The following ATP10B variants were observed in gnomAD, a reference collection of about 807,000 sequenced individuals.
ATP10B encodes phospholipid-transporting ATPase VB.
Under a neutral mutation model 141.2 loss-of-function variants are expected in ATP10B, and 122 were observed. The observed-to-expected ratio is 0.86, with a 90% CI of 0.75 to 1.00. ATP10B has a LOEUF of 1.00. Ranked by LOEUF, ATP10B falls within the 50% of genes least tolerant of loss-of-function variation. The probability of loss-of-function intolerance (pLI) is 0.00; values close to 1 mark genes in which losing one functional copy is unlikely to be tolerated. For missense variants in ATP10B, 1,876 were observed against 1,825.3 expected, an observed-to-expected ratio of 1.03 and a Z score of -0.51; for synonymous variants, 685 against 692.0, an observed-to-expected ratio of 0.99 and a Z score of 0.16.
chr5:160,823,310 G>C (rs1238455889), intron 1 of ATP10B, among the ~76,000 whole-genome samples: 1 of 151,828 alleles, frequency 6.6e-6, no homozygotes, highest in Non-Finnish European at 1.5e-5. Context: ...AACAACACAT[G>C]TTCATACTTA....
intron 7 of ATP10B, among the ~76,000 whole-genome samples, chr5:160,654,704 G>GTCATCGTCA (rs1554101049): frequency 0.016 from 2,461 of 152,016 alleles, 57 homozygotes; most frequent in African/African-American, 0.055. Context: ...TGTCGTCATC[G>GTCATCGTCA]TCATCATCAT....
chr5:160,882,415 G>T, the ATP10B span, among the ~76,000 whole-genome samples: 5 of 152,024 alleles, frequency 3.3e-5, no homozygotes, highest in African/African-American at 1.2e-4. Flanking sequence ...ACTTAAGATT[G>T]TTCTAAGAAA....
chr5:160,830,991 A>T (rs7710664), intron 1 of ATP10B, among the ~76,000 whole-genome samples: 49 of 150,724 alleles, frequency 3.3e-4, no homozygotes, highest in East Asian at 9.8e-4. Context: ...ACACACACAC[A>T]CACACACAGA....
chr5:160,590,366 A>G (rs1011286385), intron 23 of ATP10B, among the ~76,000 whole-genome samples: 2 of 152,166 alleles, frequency 1.3e-5, no homozygotes, highest in African/African-American at 4.8e-5. Context: ...TAACTCCATC[A>G]TCTTGCTAAT....
At chr5:160,851,543 A>G (rs1753814792) in intron 1 of ATP10B, among the ~76,000 whole-genome samples, 1 of 152,164 alleles carries the variant, frequency 6.6e-6, no homozygotes, top group Admixed American at 6.6e-5. Flanking sequence ...GAAGCCATGT[A>G]ATGATCTCAT....
At chr5:160,707,326 G>GTGGGATCCCCCAAATC in intron 3 of ATP10B, among the ~76,000 whole-genome samples, 1 of 152,330 alleles carries the variant, frequency 6.6e-6, no homozygotes, top group South Asian at 2.1e-4. Flanking sequence ...TTCCACTACA[G>GTGGGATCCCCCAAATC]TGGGATCCCC....
chr5:160,782,465 A>ACACT (rs1358970021), intron 2 of ATP10B, among the ~76,000 whole-genome samples: 1 of 150,396 alleles, frequency 6.6e-6, no homozygotes, highest in East Asian at 1.9e-4. Context: ...ACACACACAC[A>ACACT]CACACACACA....
chr5:160,802,534 T>C (rs1474549892), intron 1 of ATP10B, among the ~76,000 whole-genome samples: 2 of 152,128 alleles, frequency 1.3e-5, no homozygotes, highest in Non-Finnish European at 2.9e-5. Flanking sequence ...GCACAGAACA[T>C]TTCCCACCAG....
the ATP10B span, among the ~76,000 whole-genome samples, chr5:160,919,986 CAG>C: frequency 2.6e-5 from 4 of 152,162 alleles, no homozygotes; most frequent in South Asian, 8.3e-4. Context: ...TGTCAAGAAA[CAG>C]GGGAGGTAGA....
chr5:160,812,659 A>T (rs1452136666), intron 1 of ATP10B, among the ~76,000 whole-genome samples: 1 of 152,212 alleles, frequency 6.6e-6, no homozygotes, highest in Non-Finnish European at 1.5e-5. Context: ...CAGGCAAAAG[A>T]AAGAATTAGT....
chr5:160,896,525 C>T, the ATP10B span, among the ~76,000 whole-genome samples: 43 of 152,168 alleles, frequency 2.8e-4, no homozygotes, highest in Admixed American at 2.4e-3. Context: ...AGGCCAATAA[C>T]AAGTTCTGAA....
At chr5:160,697,121 TG>T (rs1294780514) in intron 3 of ATP10B, among the ~76,000 whole-genome samples, 3 of 152,248 alleles carry the variant, frequency 2.0e-5, no homozygotes, top group African/African-American at 4.8e-5. Flanking sequence ...ACAATTGCTA[TG>T]TTAGTGTTTA....
chr5:160,828,449 T>TA (rs951930826), intron 1 of ATP10B, among the ~76,000 whole-genome samples: 3 of 151,976 alleles, frequency 2.0e-5, no homozygotes, highest in East Asian at 3.9e-4. Context: ...AAAAGACACA[T>TA]AAAAAAATGC....
chr5:160,653,830 A>G (rs186544773), intron 7 of ATP10B, among the ~76,000 whole-genome samples: 5,160 of 126,438 alleles, frequency 0.041, 262 homozygotes, highest in African/African-American at 0.094. Context: ...AGACGTATAT[A>G]CATATATATT....
intron 24 of ATP10B, among the ~76,000 whole-genome samples, chr5:160,570,506 A>T (rs1269932654): frequency 1.3e-5 from 2 of 152,236 alleles, no homozygotes; most frequent in African/African-American, 4.8e-5. Flanking sequence ...AAGCAAACTT[A>T]CTGCAGTCTA....
intron 1 of ATP10B, among the ~76,000 whole-genome samples, chr5:160,807,269 T>C (rs1005792359): frequency 6.6e-6 from 1 of 152,156 alleles, no homozygotes; most frequent in Non-Finnish European, 1.5e-5. Context: ...GGGAAACTAT[T>C]TGGTGAGGGG....
chr5:160,705,198 G>A lies in ATP10B; in HGVS notation c.-205+11711C>T, dbSNP rs554657116. 4.6e-5 allele frequency among the ~76,000 whole-genome samples: 7 copies of A among 152,100 alleles called. No homozygotes were observed. The South Asian group carries it at 1.2e-3, about 27-fold the overall frequency. On this transcript the variant is annotated intron_variant, in intron 3 of 25. Transcript: ENST00000327245. ...CTCCCAAAGTGCTGGGATTACAGGC[G>A]TGAGCCACGGTGCCCAACCTTATCC... is the stretch of plus-strand genomic sequence containing the variant.
At chr5:160,885,794 G>A in the ATP10B span, among the ~76,000 whole-genome samples, 4 of 152,296 alleles carry the variant, frequency 2.6e-5, no homozygotes, top group African/African-American at 4.8e-5. Context: ...CTGTAGCAGA[G>A]CAAAGAGAAA....
At chr5:160,605,923 T>C (rs1376137983) in intron 19 of ATP10B, among the ~76,000 whole-genome samples, 1 of 152,216 alleles carries the variant, frequency 6.6e-6, no homozygotes, top group Non-Finnish European at 1.5e-5. Context: ...TACTGGGTGC[T>C]GTGGGAGCCC....
Sources: gnomAD v4.1 joint callset for allele counts (sites outside exome capture counted in the v4.1 genomes callset) on GRCh38, gnomAD v4.1.1 for gene constraint, MANE v1.5 for transcripts, NCBI Gene and HGNC (gene_info 2026-07-23, HGNC 2026-07-21) for gene names.